Variants in BNC2 observed in about 807,000 individuals in gnomAD.
BNC2 encodes the protein basonuclin zinc finger protein 2.
BNC2 carries 20 observed loss-of-function variants against 76.3 expected under a neutral mutation model. The ratio of observed to expected loss-of-function variants is 0.26; its 90% confidence interval spans 0.18 to 0.38. The LOEUF is 0.38. BNC2 is among the 10% of genes least tolerant of loss of function. The pLI is 1.00. For synonymous variants in BNC2, 582 were observed against 514.8 expected (o/e 1.13, Z -1.77); for missense variants, 1,382 against 1,399.8 (o/e 0.99, Z 0.20).
chr9:16,557,504 T>A (rs1818872695), intron 4 of BNC2, among the ~76,000 whole-genome samples: 1 of 149,958 alleles, frequency 6.7e-6, no homozygotes, highest in Non-Finnish European at 1.5e-5. Flanking sequence ...GTCACAGGAT[T>A]TAAAAAAAAA....
chr9:16,505,716 A>T (rs1822609588), intron 5 of BNC2, among the ~76,000 whole-genome samples: 1 of 152,186 alleles, frequency 6.6e-6, no homozygotes, highest in Admixed American at 6.5e-5. Context: ...AAAAAAAATC[A>T]TATATAGTTC....
At chr9:16,738,289 T>C (rs556354800) in intron 2 of BNC2, 71 bp downstream of exon 2, 10 of 1,527,044 alleles carry the variant, frequency 6.5e-6, no homozygotes, top group Admixed American at 1.7e-5. Context: ...GAGAGATATA[T>C]CTTAACTAGG....
At chr9:16,556,864 T>C (rs1818850691) in intron 4 of BNC2, among the ~76,000 whole-genome samples, 2 of 152,132 alleles carry the variant, frequency 1.3e-5, no homozygotes, top group Admixed American at 1.3e-4. Flanking sequence ...ATATCAAAAT[T>C]TTCTGCTTTA....
At chr9:16,613,254 G>A (rs1820603176) in intron 3 of BNC2, among the ~76,000 whole-genome samples, 1 of 152,050 alleles carries the variant, frequency 6.6e-6, no homozygotes, top group Non-Finnish European at 1.5e-5. Context: ...AATACCCAGT[G>A]TACTTTTCCA....
intron 1 of BNC2, among the ~76,000 whole-genome samples, chr9:16,833,890 G>T (rs1025321390): frequency 6.6e-6 from 1 of 151,998 alleles, no homozygotes; most frequent in Non-Finnish European, 1.5e-5. Flanking sequence ...ACTCTACTAG[G>T]TTCTCTCGGA....
rs566061990 is a variant in BNC2, at chr9:16,417,945, G to C, written c.*1044C>G. The C allele has an allele frequency of 9.2e-5, 14 of 152,732 alleles. No homozygotes were observed. The South Asian group carries it at 1.0e-3, about 11-fold the overall frequency. The allele number at this position is 152,732 out of a possible 1,614,324, so 9.5% of individuals were successfully genotyped here. On this transcript the variant is annotated 3_prime_UTR_variant, in exon 7 of 7. Transcript: ENST00000380672. ...CTGGTGGCCAACAAATTGGCCTGTGGTTATGTTGAGTGACTAATTGTATTT... is the reference window on the plus strand; with the variant it reads ...CTGGTGGCCAACAAATTGGCCTGTGCTTATGTTGAGTGACTAATTGTATTT...
chr9:16,629,238 A>C (rs560370327), intron 3 of BNC2, among the ~76,000 whole-genome samples: 23 of 152,360 alleles, frequency 1.5e-4, no homozygotes, highest in African/African-American at 5.0e-4. Context: ...ATTCGGCAAT[A>C]ATCTAATCCA....
rs184294681 is a variant in BNC2, at chr9:16,445,931, G to A, written c.670-8407C>T. 2.1e-4 allele frequency among the ~76,000 whole-genome samples: 32 copies of A among 152,208 alleles called. No individual in the cohort carries two copies. The East Asian group carries it at 5.2e-3, about 25-fold the overall frequency. On this transcript the variant is annotated intron_variant, in intron 5 of 6. Coordinates refer to ENST00000380672, the MANE Select transcript of BNC2 (RefSeq NM_017637.6). ...CTTTCCTATTCTTCCTCTGCCCAAG[G>A]GGAAATGAATGCTACAGGAATATCC...
intron 2 of BNC2, among the ~76,000 whole-genome samples, chr9:16,735,395 TTAAAAAAAAAAA>T (rs889453112): frequency 1.5e-3 from 6 of 3,978 alleles, no homozygotes; most frequent in Non-Finnish European, 3.8e-3. Flanking sequence ...TTAAATGAAT[TTAAAAAAAAAAA>T]AAAAAAAAAA....
intron 2 of BNC2, 83 bp from the exon 3 acceptor site, chr9:16,728,080 G>A (rs1347328264): frequency 2.2e-6 from 2 of 921,196 alleles, no homozygotes. Flanking sequence ...GCTGAACTGT[G>A]CATTTCATTT....
chr9:16,790,019 A>G (rs1817456988), intron 1 of BNC2, among the ~76,000 whole-genome samples: 1 of 151,996 alleles, frequency 6.6e-6, no homozygotes, highest in Non-Finnish European at 1.5e-5. Context: ...TTTTTTTTTG[A>G]GATGGAGTCT....
rs114599151 is a variant in BNC2, at chr9:16,794,965, G to A, written c.4-56480C>T. Among the ~76,000 whole-genome samples, 430 of 151,952 alleles carry A rather than the reference G, an allele frequency of 2.8e-3. 2 individuals carry two copies. The highest frequency in any genetic ancestry group is 1.0e-2 in the African/African-American group (413 of 41,464). ...CCTTTAGTGATAAGTTCATGATAAA[G>A]GAAAATACAAATACTCTCTCCTCCT... is the stretch of plus-strand genomic sequence containing the variant. On this transcript the variant is annotated intron_variant, in intron 1 of 6. Transcript: ENST00000380672.
At chr9:16,536,615 A>G (rs1818137777) in intron 5 of BNC2, among the ~76,000 whole-genome samples, 1 of 152,198 alleles carries the variant, frequency 6.6e-6, no homozygotes, top group Non-Finnish European at 1.5e-5. Context: ...CCTGTCTACA[A>G]TAACTGTAAC....
intron 1 of BNC2, among the ~76,000 whole-genome samples, chr9:16,864,708 A>C (rs1167525608): frequency 1.3e-5 from 2 of 152,218 alleles, no homozygotes; most frequent in African/African-American, 4.8e-5. Flanking sequence ...ACCCCAGGAC[A>C]GCAGCATGCA....
At position 16,597,537 on chromosome 9, in the gene BNC2, G is replaced by A. The variant is rs142555632; in HGVS notation, c.331-14452C>T. Reference sequence around the variant, plus strand: ...ATATGTATAGCCAGACAAAAAAAACGCTGGCTGCCCTTTTGATGTAGGTTA... The same window carrying A: ...ATATGTATAGCCAGACAAAAAAAACACTGGCTGCCCTTTTGATGTAGGTTA... On this transcript the variant is annotated intron_variant, in intron 3 of 6. Transcript: ENST00000380672. Among the ~76,000 whole-genome samples the A allele has an allele frequency of 7.3e-4, 111 of 152,088 alleles. 1 individual carries two copies. The highest frequency in any genetic ancestry group is 2.6e-3 in the African/African-American group (108 of 41,550).
chr9:16,463,814 T>A (rs1189242039), intron 5 of BNC2, among the ~76,000 whole-genome samples: 2 of 151,560 alleles, frequency 1.3e-5, no homozygotes, highest in East Asian at 3.9e-4. Flanking sequence ...CCCAGCACTT[T>A]GGGAGGCCCG....
At chr9:16,591,017 A>G (rs1819915773) in intron 3 of BNC2, among the ~76,000 whole-genome samples, 2 of 152,228 alleles carry the variant, frequency 1.3e-5, no homozygotes, top group Admixed American at 1.3e-4. Context: ...TAGGTTGTGT[A>G]TGATATGCTA....
At chr9:16,537,311 A>T (rs931240803) in intron 5 of BNC2, among the ~76,000 whole-genome samples, 1 of 152,178 alleles carries the variant, frequency 6.6e-6, no homozygotes, top group Non-Finnish European at 1.5e-5. Flanking sequence ...GTTTCCTTGA[A>T]TCGCACTCGA....
rs1054376782 is a variant in BNC2, at chr9:16,669,885, T to C, written c.330+57912A>G. Reference sequence around the variant, plus strand: ...AGCTTAGAGTGGACGGTAGGAAACTTTGATGTGGTTTCATCTCCTCTGCAT... The same window carrying C: ...AGCTTAGAGTGGACGGTAGGAAACTCTGATGTGGTTTCATCTCCTCTGCAT... On this transcript the variant is annotated intron_variant, in intron 3 of 6. Coordinates refer to ENST00000380672, the MANE Select transcript of BNC2 (RefSeq NM_017637.6). Among the ~76,000 whole-genome samples the C allele has an allele frequency of 3.3e-5, 5 of 152,352 alleles. No homozygotes were observed. The East Asian group carries it at 7.7e-4, about 24-fold the overall frequency.
Sources: allele counts gnomAD v4.1 joint callset (sites outside exome capture counted in the v4.1 genomes callset), GRCh38; gene constraint gnomAD v4.1.1; transcripts MANE v1.5; gene names NCBI Gene and HGNC (gene_info 2026-07-23, HGNC 2026-07-21).